Variants in GALNT14 observed in about 807,000 individuals in gnomAD.
The protein encoded by GALNT14 is polypeptide N-acetylgalactosaminyltransferase 14.
A neutral mutation model predicts 77.5 loss-of-function variants in GALNT14; 60 were observed. The observed-to-expected ratio is 0.77, with a 90% CI of 0.63 to 0.96. GALNT14 has a LOEUF of 0.96. GALNT14 is among the 40% of genes least tolerant of loss of function. The pLI is 0.00. For missense variants in GALNT14, 710 were observed against 731.0 expected (o/e 0.97, Z 0.33); for synonymous variants, 280 against 281.7 (o/e 0.99, Z 0.06).
At chr2:30,959,255 CTT>C (rs1219147937) in intron 3 of GALNT14, among the ~76,000 whole-genome samples, 1 of 152,210 alleles carries the variant, frequency 6.6e-6, no homozygotes, top group African/African-American at 2.4e-5. Context: ...GATCCTATGA[CTT>C]TTCTCACTTC....
At chr2:31,054,426 G>A (rs908559840) in intron 1 of GALNT14, among the ~76,000 whole-genome samples, 1 of 152,094 alleles carries the variant, frequency 6.6e-6, no homozygotes, top group Admixed American at 6.5e-5. Flanking sequence ...CTCATATCCT[G>A]TTTTATTGTT....
intron 1 of GALNT14, among the ~76,000 whole-genome samples, chr2:31,116,929 T>C (rs927846538): frequency 1.3e-5 from 2 of 151,726 alleles, no homozygotes; most frequent in African/African-American, 4.8e-5. Flanking sequence ...CCCAGCTACC[T>C]GGGAGGCTGA....
intron 1 of GALNT14, among the ~76,000 whole-genome samples, chr2:31,096,748 A>G (rs1292660467): frequency 1.3e-5 from 2 of 152,042 alleles, no homozygotes; most frequent in East Asian, 3.9e-4. Flanking sequence ...CTAAATGAAA[A>G]CCTTTTCTGA....
At chr2:30,982,984 A>G (rs1359907242) in intron 2 of GALNT14, among the ~76,000 whole-genome samples, 1 of 152,136 alleles carries the variant, frequency 6.6e-6, no homozygotes, top group Non-Finnish European at 1.5e-5. Flanking sequence ...TGTGTTCCCC[A>G]TAACACTGAG....
intron 1 of GALNT14, among the ~76,000 whole-genome samples, chr2:31,060,432 G>A (rs143619162): frequency 7.9e-5 from 12 of 152,286 alleles, no homozygotes; most frequent in East Asian, 7.7e-4. Flanking sequence ...ATCCTTCAGC[G>A]GAGGGAAAGA....
At chr2:31,009,296 C>T (rs1670873892) in intron 1 of GALNT14, among the ~76,000 whole-genome samples, 1 of 149,570 alleles carries the variant, frequency 6.7e-6, no homozygotes, top group Admixed American at 6.9e-5. Flanking sequence ...TCAGCAACAT[C>T]CTACCCCCTG....
chr2:31,084,284 A>C (rs1281131716), intron 1 of GALNT14, among the ~76,000 whole-genome samples: 1 of 152,184 alleles, frequency 6.6e-6, no homozygotes, highest in Non-Finnish European at 1.5e-5. Flanking sequence ...AACATACTAC[A>C]TACGTGGTTT....
At chr2:31,057,393 T>C (rs59315709) in intron 1 of GALNT14, among the ~76,000 whole-genome samples, 42,031 of 138,022 alleles carry the variant, frequency 0.3, 6,765 homozygotes, top group East Asian at 0.43. Context: ...TATATATATA[T>C]ACACAGCTGT....
At chr2:31,042,143 A>C (rs947739039) in intron 1 of GALNT14, among the ~76,000 whole-genome samples, 2 of 152,220 alleles carry the variant, frequency 1.3e-5, no homozygotes, top group African/African-American at 4.8e-5. Context: ...AAATTAGTGG[A>C]GATCCATAGT....
At chr2:30,973,988 G>T (rs1668502692) in intron 2 of GALNT14, among the ~76,000 whole-genome samples, 1 of 152,144 alleles carries the variant, frequency 6.6e-6, no homozygotes, top group Non-Finnish European at 1.5e-5. Flanking sequence ...ACTTGGTCGG[G>T]TGCTCTGGTG....
intron 1 of GALNT14, among the ~76,000 whole-genome samples, chr2:31,059,706 A>T (rs1210301477): frequency 6.6e-6 from 1 of 152,140 alleles, no homozygotes; most frequent in African/African-American, 2.4e-5. Context: ...CACTGTATTT[A>T]AAAAAATTAA....
chr2:31,069,062 T>C (rs1675174889), intron 1 of GALNT14, among the ~76,000 whole-genome samples: 1 of 152,222 alleles, frequency 6.6e-6, no homozygotes, highest in Non-Finnish European at 1.5e-5. Context: ...AAAGATGTTC[T>C]AAAATTAGAT....
intron 13 of GALNT14, among the ~76,000 whole-genome samples, chr2:30,921,059 C>T (rs979856399): frequency 2.6e-4 from 39 of 152,316 alleles, no homozygotes; most frequent in South Asian, 1.7e-3. Flanking sequence ...CAGATGACTG[C>T]TGTCCCTCCC....
chr2:30,919,762 G>C (rs1366744570), intron 13 of GALNT14, among the ~76,000 whole-genome samples: 1 of 152,214 alleles, frequency 6.6e-6, no homozygotes, highest in South Asian at 2.1e-4. Flanking sequence ...GACCCAGCTT[G>C]GATATGCAGC....
rs1230449764 is a variant in GALNT14, at chr2:30,912,323, G to A, written c.1400C>T (p.Thr467Ile). The A allele has an allele frequency of 1.9e-6, 3 of 1,614,128 alleles. No homozygotes were observed. The highest frequency in any genetic ancestry group is 1.7e-5 in the Admixed American group (1 of 60,014). The change falls in exon 14 of 15, where the codon ACC becomes ATC. Residue 467 changes from threonine to isoleucine, a missense_variant. Coordinates refer to ENST00000349752, the MANE Select transcript of GALNT14 (RefSeq NM_024572.4). ...CAGCTCCTCCTGGAGGATCTGCTGG[G>A]TGTATGTGAAGGCCCATACCTGGGG... The part of the protein sequence containing the change: ...AKSQVWAFTY[T>I]QQILQEELCL...
chr2:31,100,465 A>C (rs1247983065), intron 1 of GALNT14, among the ~76,000 whole-genome samples: 1 of 151,998 alleles, frequency 6.6e-6, no homozygotes, highest in Non-Finnish European at 1.5e-5. Flanking sequence ...TTTTTCAGTT[A>C]ATTATCTTTT....
chr2:30,934,636 C>A (rs1665944878), intron 9 of GALNT14, among the ~76,000 whole-genome samples: 1 of 152,156 alleles, frequency 6.6e-6, no homozygotes, highest in Admixed American at 6.5e-5. Context: ...CTACTGACCC[C>A]TCCCTTCTGC....
chr2:31,102,868 T>C (rs1396671002), intron 1 of GALNT14, among the ~76,000 whole-genome samples: 2 of 152,132 alleles, frequency 1.3e-5, no homozygotes, highest in Admixed American at 6.6e-5. Flanking sequence ...TCCTTTATCT[T>C]ATTTAATGCA....
chr2:31,131,140 T>C (rs1360994147), intron 1 of GALNT14, among the ~76,000 whole-genome samples: 3 of 152,124 alleles, frequency 2.0e-5, no homozygotes, highest in African/African-American at 4.8e-5. Flanking sequence ...GCACTGCCAG[T>C]GGCCACACTG....
Sources: gnomAD v4.1 joint callset for allele counts (sites outside exome capture counted in the v4.1 genomes callset) on GRCh38, gnomAD v4.1.1 for gene constraint, MANE v1.5 for transcripts, NCBI Gene and HGNC (gene_info 2026-07-23, HGNC 2026-07-21) for gene names.